Variants in NEGR1 observed in about 807,000 individuals in gnomAD.
NEGR1 encodes neuronal growth regulator 1.
In NEGR1, 10 loss-of-function variants were observed where a neutral mutation model predicts 40.9. The ratio of observed to expected loss-of-function variants is 0.24; its 90% CI spans 0.15 to 0.42. NEGR1 has a LOEUF of 0.42. NEGR1 is among the 10% of genes least tolerant of loss of function. The probability of loss-of-function intolerance (pLI) is 1.00; values close to 1 mark genes in which losing one functional copy is unlikely to be tolerated. For synonymous variants in NEGR1, 185 were observed against 166.8 expected (o/e 1.11, Z -0.84); for missense variants, 352 against 438.9 (o/e 0.80, Z 1.77).
chr1:71,989,148 G>C (rs1299311583), intron 1 of NEGR1, among the ~76,000 whole-genome samples: 1 of 152,078 alleles, frequency 6.6e-6, no homozygotes, highest in Non-Finnish European at 1.5e-5. Context: ...GGAATGAAAA[G>C]AGGTGAAATG....
At chr1:72,132,464 T>C (rs1279277597) in intron 1 of NEGR1, among the ~76,000 whole-genome samples, 1 of 152,150 alleles carries the variant, frequency 6.6e-6, no homozygotes, top group Non-Finnish European at 1.5e-5. Context: ...CAGCTAAGCC[T>C]TAAAGCCATT....
At chr1:72,078,642 T>TA (rs1252218430) in intron 1 of NEGR1, among the ~76,000 whole-genome samples, 1 of 144,084 alleles carries the variant, frequency 6.9e-6, no homozygotes, top group African/African-American at 2.7e-5. Flanking sequence ...TATATATTTA[T>TA]TTATTTTTTT....
At chr1:71,637,574 A>G (rs932733212) in intron 4 of NEGR1, among the ~76,000 whole-genome samples, 1 of 152,028 alleles carries the variant, frequency 6.6e-6, no homozygotes, top group African/African-American at 2.4e-5. Flanking sequence ...TTATAAAAAA[A>G]TCTCTATAAA....
chr1:72,024,877 G>C (rs930398176), intron 1 of NEGR1, among the ~76,000 whole-genome samples: 5 of 152,130 alleles, frequency 3.3e-5, no homozygotes, highest in African/African-American at 9.7e-5. Flanking sequence ...TCTTTAAAAA[G>C]ACAATATACA....
intron 1 of NEGR1, among the ~76,000 whole-genome samples, chr1:72,261,542 A>T (rs1655455873): frequency 6.6e-6 from 1 of 152,096 alleles, no homozygotes. Flanking sequence ...CCTTGTAATT[A>T]AAAAAATGTT....
intron 1 of NEGR1, among the ~76,000 whole-genome samples, chr1:72,211,844 AC>A (rs1653620681): frequency 6.6e-6 from 1 of 151,778 alleles, no homozygotes; most frequent in South Asian, 2.1e-4. Flanking sequence ...TAAAACAGTC[AC>A]TCTAGGAAGA....
At chr1:71,972,742 CAG>C (rs1304154350) in intron 1 of NEGR1, among the ~76,000 whole-genome samples, 1 of 152,074 alleles carries the variant, frequency 6.6e-6, no homozygotes, top group Non-Finnish European at 1.5e-5. Context: ...TATTTTGATA[CAG>C]CTGAACTCAA....
chr1:71,855,808 T>C (rs1275412945), intron 2 of NEGR1, among the ~76,000 whole-genome samples: 2 of 152,056 alleles, frequency 1.3e-5, no homozygotes, highest in Non-Finnish European at 2.9e-5. Context: ...AAATTATTTC[T>C]ATTAGGAAAG....
chr1:71,869,974 G>A (rs989638207), intron 2 of NEGR1, among the ~76,000 whole-genome samples: 2 of 151,510 alleles, frequency 1.3e-5, no homozygotes, highest in Non-Finnish European at 2.9e-5. Flanking sequence ...CCACCTCCCG[G>A]GTTCATGTGA....
chr1:71,443,914 GAAGTT>G (rs1646564335), intron 6 of NEGR1, among the ~76,000 whole-genome samples: 1 of 152,212 alleles, frequency 6.6e-6, no homozygotes, highest in Admixed American at 6.5e-5. Context: ...ATAAAAGTGA[GAAGTT>G]AATTTCCATT....
At chr1:71,545,799 T>C (rs1570012018) in intron 6 of NEGR1, among the ~76,000 whole-genome samples, 1 of 151,780 alleles carries the variant, frequency 6.6e-6, no homozygotes, top group South Asian at 2.1e-4. Flanking sequence ...AGCAGAACTC[T>C]AGCGTTGGTG....
intron 1 of NEGR1, among the ~76,000 whole-genome samples, chr1:72,190,643 A>G (rs1652787898): frequency 6.6e-6 from 1 of 151,582 alleles, no homozygotes; most frequent in South Asian, 2.1e-4. Context: ...CTATTTATTA[A>G]TATATCAAAT....
chr1:71,708,613 A>T lies in NEGR1; in HGVS notation c.536-10474T>A, dbSNP rs559504547. ...ATTACAGAGTTTTTATTTTTTTTTT[A>T]AGTTCAGGGGTAAATATACAGAATG... On this transcript the variant is annotated intron_variant, in intron 3 of 6. Coordinates refer to ENST00000357731, the MANE Select transcript of NEGR1 (RefSeq NM_173808.3). Among the ~76,000 whole-genome samples, 308 of 151,922 alleles carry T rather than the reference A, an allele frequency of 2.0e-3. 1 individual carries two copies. The highest frequency in any genetic ancestry group is 7.0e-3 in the African/African-American group (292 of 41,442).
At chr1:72,012,822 C>T (rs1353406593) in intron 1 of NEGR1, among the ~76,000 whole-genome samples, 3 of 141,052 alleles carry the variant, frequency 2.1e-5, no homozygotes, top group Admixed American at 1.4e-4. Flanking sequence ...TATATACACA[C>T]ACACACACAT....
chr1:71,979,566 A>C (rs1646336793), intron 1 of NEGR1, among the ~76,000 whole-genome samples: 1 of 152,192 alleles, frequency 6.6e-6, no homozygotes, highest in Non-Finnish European at 1.5e-5. Flanking sequence ...TTCATCCTCC[A>C]AGTACACTAA....
At chr1:72,060,857 AC>A (rs1647161210) in intron 1 of NEGR1, among the ~76,000 whole-genome samples, 1 of 151,510 alleles carries the variant, frequency 6.6e-6, no homozygotes, top group Non-Finnish European at 1.5e-5. Flanking sequence ...AAATTGATTT[AC>A]TTTCTGGATA....
intron 1 of NEGR1, among the ~76,000 whole-genome samples, chr1:72,282,106 T>C (rs1245091678): frequency 1.3e-5 from 2 of 152,134 alleles, no homozygotes; most frequent in Admixed American, 6.5e-5. Context: ...TCCGGCAAAG[T>C]GCTTTAGCAT....
chr1:71,950,888 T>C (rs1216110869), intron 1 of NEGR1, among the ~76,000 whole-genome samples: 1 of 151,964 alleles, frequency 6.6e-6, no homozygotes, highest in African/African-American at 2.4e-5. Flanking sequence ...ACTTGCATCT[T>C]TTCTGTCTCT....
chr1:71,935,183 C>T lies in NEGR1; in HGVS notation c.305G>A (p.Ser102Asn), dbSNP rs1557442866. 1 of 1,613,438 alleles carries T rather than the reference C, an allele frequency of 6.2e-7. No individual in the cohort carries two copies. The highest frequency in any genetic ancestry group is 8.5e-7 in the Non-Finnish European group (1 of 1,179,452). Residue 102 changes from serine to asparagine, a missense_variant, in exon 2 of 7, where the codon AGC becomes AAC. Physicochemically the swap from Ser to Asn is conservative, Grantham distance 46. This residue lies in a region of NEGR1 where 30 missense variants were observed against 64.4 expected (regional missense o/e 0.47). Coordinates refer to ENST00000357731, the MANE Select transcript of NEGR1 (RefSeq NM_173808.3). ...CACATCTACATTCTGTATCTGGAGG[C>T]TGTAGTCCCTTTTATTCAATGTTGA... is the stretch of plus-strand genomic sequence containing the variant. ...SISTLNKRDYSLQIQNVDVTD... is the reference protein window; with the variant it reads ...SISTLNKRDYNLQIQNVDVTD...
Sources: gnomAD v4.1 joint callset for allele counts (sites outside exome capture counted in the v4.1 genomes callset) on GRCh38, gnomAD v4.1.1 for gene constraint, gnomAD v4.1.1 regional missense constraint, MANE v1.5 for transcripts, NCBI Gene and HGNC (gene_info 2026-07-23, HGNC 2026-07-21) for gene names.